Variants in ANKRD17 observed in about 807,000 individuals in gnomAD.
The protein encoded by ANKRD17 is ankyrin repeat domain 17, also known as ankyrin repeat domain-containing protein 17.
Under a neutral mutation model 229.7 loss-of-function variants are expected in ANKRD17, and 19 were observed. The observed-to-expected ratio is 0.08, with a 90% CI of 0.06 to 0.12. ANKRD17 has a LOEUF of 0.12. Among genes scored for constraint, ANKRD17 ranks in the 10% least tolerant of loss-of-function variants. The pLI, the probability that ANKRD17 is intolerant of heterozygous loss-of-function variation, is 1.00. For missense variants in ANKRD17, 2,176 were observed against 3,176.8 expected, an observed-to-expected ratio of 0.68 and a Z score of 7.57; for synonymous variants, 1,112 against 1,146.1, an observed-to-expected ratio of 0.97 and a Z score of 0.60.
chr4:73,225,973 CT>C (rs754977999), intron 1 of ANKRD17, among the ~76,000 whole-genome samples: 131 of 92,580 alleles, frequency 1.4e-3, no homozygotes, highest in Middle Eastern at 8.6e-3. Flanking sequence ...GGCTCTTAAG[CT>C]TTTTTTTTTT....
chr4:73,257,902 C>T (rs1745603024), intron 1 of ANKRD17, among the ~76,000 whole-genome samples: 1 of 152,212 alleles, frequency 6.6e-6, no homozygotes, highest in South Asian at 2.1e-4. Context: ...TTTACTCCTC[C>T]CGCTTTGATC....
chr4:73,174,030 A>C (rs1734386306), intron 2 of ANKRD17, among the ~76,000 whole-genome samples: 1 of 149,690 alleles, frequency 6.7e-6, no homozygotes, highest in Non-Finnish European at 1.5e-5. Flanking sequence ...CTAATACCAA[A>C]ACCAAGAAAG....
At chr4:73,123,309 A>G (rs1727002496) in intron 18 of ANKRD17, among the ~76,000 whole-genome samples, 1 of 152,070 alleles carries the variant, frequency 6.6e-6, no homozygotes, top group Non-Finnish European at 1.5e-5. Flanking sequence ...GGGGATTTTT[A>G]CTTTTTCTGG....
chr4:73,178,261 TG>T (rs1392013862), intron 1 of ANKRD17, among the ~76,000 whole-genome samples: 2 of 152,108 alleles, frequency 1.3e-5, no homozygotes, highest in Admixed American at 6.5e-5. Context: ...TGACATTTCA[TG>T]GGGGAAAAAA....
intron 16 of ANKRD17, among the ~76,000 whole-genome samples, chr4:73,132,176 G>C (rs1043713131): frequency 2.0e-5 from 3 of 151,182 alleles, no homozygotes; most frequent in African/African-American, 7.3e-5. Context: ...TATGATCTTG[G>C]CTCACTGGCC....
intron 2 of ANKRD17, among the ~76,000 whole-genome samples, chr4:73,173,099 AAAT>A (rs1452779922): frequency 6.6e-6 from 1 of 152,212 alleles, no homozygotes; most frequent in Non-Finnish European, 1.5e-5. Context: ...CACAGAGTGA[AAAT>A]AAAGGGATTG....
intron 23 of ANKRD17, 49 bp downstream of exon 23, chr4:73,115,772 T>G (rs990431546): frequency 7.1e-7 from 1 of 1,398,910 alleles, no homozygotes; most frequent in African/African-American, 1.4e-5. Context: ...GAATGGAAGA[T>G]ATATTAACCG....
chr4:73,248,217 A>T, intron 1 of ANKRD17, among the ~76,000 whole-genome samples: 1 of 151,976 alleles, frequency 6.6e-6, no homozygotes, highest in Non-Finnish European at 1.5e-5. Flanking sequence ...AAAATCGTAC[A>T]TACAGACCTC....
At position 73,220,336 on chromosome 4, in the gene ANKRD17, G is replaced by C. The variant is rs549182221; in HGVS notation, c.393+37940C>G. On this transcript the variant is annotated intron_variant, in intron 1 of 33. Coordinates refer to ENST00000358602, the MANE Select transcript of ANKRD17 (RefSeq NM_032217.5). ...GCAGAAGGAACGGAAATACTTTGAT[G>C]CCTTTGGTTTGGAGAAGAAAATTAC... Among the ~76,000 whole-genome samples the C allele has an allele frequency of 8.5e-5, 13 of 152,194 alleles. 1 individual carries two copies. Among genetic ancestry groups the C allele is most frequent in the Admixed American group, 3.9e-4 (6 of 15,288 alleles).
chr4:73,213,578 A>T lies in ANKRD17; in HGVS notation c.394-36045T>A, dbSNP rs74442537. ...TGGTGGGAAGATATGGAATTTGAGA[A>T]TGAGAAAGACAGAGATGTACAGATG... On this transcript the variant is annotated intron_variant, in intron 1 of 33. Coordinates refer to ENST00000358602, the MANE Select transcript of ANKRD17 (RefSeq NM_032217.5). Among the ~76,000 whole-genome samples, 201 of 152,342 alleles carry T rather than the reference A, an allele frequency of 1.3e-3. 1 individual carries two copies. The highest frequency in any genetic ancestry group is 4.6e-3 in the African/African-American group (191 of 41,584).
Position 73,085,323 on chromosome 4 carries a change from G to T in ANKRD17, c.7085C>A (p.Pro2362His), listed in dbSNP as rs751455851. ...TTGTCTGTTAAAGTTAGCAGCTGCG[G>T]GTGCTCCTCCAAGGGGTGCCCCAGG... Reference protein sequence around the residue: ...YGPGAPLGGAPAAANFNRQHF... With the variant: ...YGPGAPLGGAHAAANFNRQHF... The change falls in exon 30 of 34, where the codon CCC becomes CAC. Residue 2362 changes from proline to histidine, a missense_variant. Physicochemically the swap from Pro to His is moderately conservative, Grantham distance 77. Around this residue, in one of 18 missense-constraint regions of ANKRD17, gnomAD observed 87 missense variants for 116.0 expected, o/e 0.75. Transcript: ENST00000358602. The T allele has an allele frequency of 1.1e-4, 176 of 1,613,944 alleles. No individual in the cohort carries two copies. Among genetic ancestry groups the T allele is most frequent in the Non-Finnish European group, 1.7e-6 (2 of 1,180,020 alleles).
At chr4:73,172,524 T>C (rs1234003202) in intron 2 of ANKRD17, among the ~76,000 whole-genome samples, 1 of 152,244 alleles carries the variant, frequency 6.6e-6, no homozygotes, top group Non-Finnish European at 1.5e-5. Flanking sequence ...TATAACACTG[T>C]ACCTGTGGTG....
chr4:73,249,843 G>T (rs13102697), intron 1 of ANKRD17, among the ~76,000 whole-genome samples: 1 of 152,052 alleles, frequency 6.6e-6, no homozygotes, highest in Non-Finnish European at 1.5e-5. Context: ...GAGACAGAGC[G>T]AGACTTCGTC....
At chr4:73,210,218 CA>C (rs1740067669) in intron 1 of ANKRD17, among the ~76,000 whole-genome samples, 1 of 151,836 alleles carries the variant, frequency 6.6e-6, no homozygotes, top group Admixed American at 6.6e-5. Flanking sequence ...ACCAAAAAAA[CA>C]AACAAATAAA....
chr4:73,126,574 A>C (rs936275174), intron 16 of ANKRD17, among the ~76,000 whole-genome samples: 1 of 152,170 alleles, frequency 6.6e-6, no homozygotes, highest in African/African-American at 2.4e-5. Context: ...TTTGAAAAAC[A>C]AAGACTATTA....
chr4:73,077,248 C>A, intron 32 of ANKRD17, 107 bp downstream of exon 32: 1 of 1,304,220 alleles, frequency 7.7e-7, no homozygotes, highest in South Asian at 1.7e-5. Context: ...AATTATTACC[C>A]ATTATATAAC....
Position 73,154,129 on chromosome 4 carries a change from A to C in ANKRD17, c.1001-16T>G. 6.6e-7 allele frequency: 1 copy of C among 1,512,814 alleles called. No homozygotes were observed. The highest frequency in any genetic ancestry group is 8.8e-7 in the Non-Finnish European group (1 of 1,130,120). 93.7% of individuals were successfully genotyped at this position (1,512,814 alleles called of 1,614,324 possible). On this transcript the variant is annotated splice_polypyrimidine_tract_variant and intron_variant, in intron 5 of 33. Coordinates refer to ENST00000358602, the MANE Select transcript of ANKRD17 (RefSeq NM_032217.5). ...GCTGTATTGCCTATTTTAATTAGGA[A>C]AAATAAAAAGACATTAACATAAAAT...
At chr4:73,245,730 G>T (rs1350071289) in intron 1 of ANKRD17, among the ~76,000 whole-genome samples, 1 of 152,082 alleles carries the variant, frequency 6.6e-6, no homozygotes, top group Non-Finnish European at 1.5e-5. Flanking sequence ...TATTATTTCA[G>T]ATCCTCTCGA....
At chr4:73,099,138 A>T in intron 25 of ANKRD17, 1 of 707,270 alleles carries the variant, frequency 1.4e-6, no homozygotes, top group Non-Finnish European at 2.6e-6. Context: ...TCAGAGGAGG[A>T]GCAGTGACCG....
Sources: gnomAD v4.1 joint callset for allele counts (sites outside exome capture counted in the v4.1 genomes callset) on GRCh38, gnomAD v4.1.1 for gene constraint, gnomAD v4.1.1 regional missense constraint, MANE v1.5 for transcripts, NCBI Gene and HGNC (gene_info 2026-07-23, HGNC 2026-07-21) for gene names.